IFNL1: variants seen among roughly 807,000 people sequenced by gnomAD.
IFNL1 encodes the protein interferon lambda-1.
Under a neutral mutation model 17.1 loss-of-function variants are expected in IFNL1, and 16 were observed. The ratio of observed to expected loss-of-function variants is 0.93; its 90% CI spans 0.63 to 1.42. IFNL1 has a LOEUF of 1.42. Ranked by LOEUF, IFNL1 falls within the 40% of genes most tolerant of loss-of-function variation. The pLI is 0.00. For missense variants in IFNL1, 262 were observed against 249.4 expected (o/e 1.05, Z -0.34); for synonymous variants, 104 against 111.4 (o/e 0.93, Z 0.42).
At chr19:39,297,311 T>TC (rs2075102455) in intron 2 of IFNL1, among the ~76,000 whole-genome samples, 1 of 54,446 alleles carries the variant, frequency 1.8e-5, no homozygotes, top group South Asian at 8.2e-4. Flanking sequence ...CACCCTTCTC[T>TC]TTTTTTTTTT....
At position 39,298,519 on chromosome 19, in the gene IFNL1, C is replaced by T. The variant is rs774908952; in HGVS notation, c.*3C>T. 1 of 1,614,152 alleles carries T rather than the reference C, an allele frequency of 6.2e-7. No homozygotes were observed. Among genetic ancestry groups the T allele is most frequent in the Non-Finnish European group, 8.5e-7 (1 of 1,179,988 alleles). ...CAACCCACCCTGAGTCCACCTGACA[C>T]CCCACACCTTATTTATGCGCTGAGC... On this transcript the variant is annotated 3_prime_UTR_variant, in exon 5 of 5. Coordinates refer to ENST00000333625, the MANE Select transcript of IFNL1 (RefSeq NM_172140.2).
chr19:39,297,553 CAG>C (rs1403327228), intron 2 of IFNL1, among the ~76,000 whole-genome samples: 2 of 152,040 alleles, frequency 1.3e-5, no homozygotes, highest in African/African-American at 4.8e-5. Context: ...ATCCTGACCT[CAG>C]GTGATCCACC....
chr19:39,298,355 T>C, intron 4 of IFNL1, 36 bp from the exon 5 acceptor site: 1 of 1,614,082 alleles, frequency 6.2e-7, no homozygotes, highest in East Asian at 2.2e-5. Flanking sequence ...GCCCAGACCC[T>C]GGACAGCCCC....
In IFNL1 at chr19:39,298,325, G is replaced by A. The variant is rs568899544; in HGVS notation, c.477+29G>A. The A allele has an allele frequency of 3.7e-6, 6 of 1,614,018 alleles. No individual in the cohort carries two copies. In the East Asian group the frequency reaches 1.1e-4, roughly 30 times the overall value. On this transcript the variant is annotated intron_variant, in intron 4 of 4. Coordinates refer to ENST00000333625, the MANE Select transcript of IFNL1 (RefSeq NM_172140.2). ...AGTGACCCAGGAAGAGAAGGACCAG[G>A]GTCTGGGGAGCCAATAGGAGCCCAG...
rs2075108211 is a variant in IFNL1 at position 39,298,561 on chromosome 19, T to A, written c.*45T>A. ...GCGCTGAGCCCTACTCCTTCCTTAA[T>A]TTATTTCCTCTCACCCTTTATTTAT... On this transcript the variant is annotated 3_prime_UTR_variant, in exon 5 of 5. Transcript: ENST00000333625. 2.5e-6 allele frequency: 4 copies of A among 1,606,722 alleles called. No individual in the cohort carries two copies. The South Asian group carries it at 3.3e-5, about 13-fold the overall frequency.
At chr19:39,297,922 T>C in intron 2 of IFNL1, 42 bp from the exon 3 acceptor site, 1 of 1,612,498 alleles carries the variant, frequency 6.2e-7, no homozygotes, top group Non-Finnish European at 8.5e-7. Context: ...CTGGGTCTTC[T>C]TGCCTGTTCT....
chr19:39,298,541 G>A lies in IFNL1; in HGVS notation c.*25G>A. 6.2e-7 allele frequency: 1 copy of A among 1,613,450 alleles called. No individual in the cohort carries two copies. The highest frequency in any genetic ancestry group is 8.5e-7 in the Non-Finnish European group (1 of 1,179,590). On this transcript the variant is annotated 3_prime_UTR_variant, in exon 5 of 5. Transcript: ENST00000333625. ...ACACCCCACACCTTATTTATGCGCT[G>A]AGCCCTACTCCTTCCTTAATTTATT... is the stretch of plus-strand genomic sequence containing the variant.
intron 2 of IFNL1, among the ~76,000 whole-genome samples, chr19:39,297,404 T>C (rs911707199): frequency 1.4e-5 from 2 of 147,004 alleles, no homozygotes; most frequent in African/African-American, 5.0e-5. Context: ...CTGCAACCTC[T>C]GCCTCCCGGG....
At chr19:39,297,110 T>C (rs911903339) in intron 2 of IFNL1, among the ~76,000 whole-genome samples, 7 of 151,974 alleles carry the variant, frequency 4.6e-5, no homozygotes, top group African/African-American at 1.7e-4. Context: ...CACCTGTCCC[T>C]GTCACTTCCA....
At position 39,296,598 on chromosome 19, in the gene IFNL1, T is replaced by C. The variant is rs756516531; in HGVS notation, c.171+6T>C. 53 of 1,607,768 alleles carry C rather than the reference T, an allele frequency of 3.3e-5. No individual in the cohort carries two copies. Among genetic ancestry groups the C allele is most frequent in the Non-Finnish European group, 1.3e-5 (15 of 1,177,408 alleles). On this transcript the variant is annotated splice_donor_region_variant and intron_variant, in intron 1 of 4. Transcript: ENST00000333625. The stretch of plus-strand genomic sequence containing the variant: ...AGAAGGCCAGGGACGCCTTGGTGAG[T>C]TCCTGTTGCTGTGGATGAACCACTT...
chr19:39,296,899 G>T lies in IFNL1; in HGVS notation c.249+17G>T, dbSNP rs2075101076. On this transcript the variant is annotated intron_variant, in intron 2 of 4. Transcript: ENST00000333625. ...CTTCTCCAGGTGAGCTGAAAGTCAG[G>T]CCCCCTTCACCCTTCCCTTGACCCT... The T allele has an allele frequency of 2.5e-6, 4 of 1,604,120 alleles. No homozygotes were observed. The highest frequency in any genetic ancestry group is 3.4e-6 in the Non-Finnish European group (4 of 1,171,150).
rs2075107446 is a variant in IFNL1 at position 39,298,405 on chromosome 19, C to T, written c.492C>T (p.Cys164=). ...QEAPKKESAG[C]LEASVTFNLF... ...CTCCCCTACAGGAGTCCGCTGGCTG[C>T]CTGGAGGCATCTGTCACCTTCAACC... The change falls in exon 5 of 5, where the codon TGC becomes TGT. Residue 164 remains cysteine, a synonymous_variant. Transcript: ENST00000333625. 1 of 1,614,128 alleles carries T rather than the reference C, an allele frequency of 6.2e-7. No homozygotes were observed. Among genetic ancestry groups the T allele is most frequent in the African/African-American group, 1.3e-5 (1 of 74,934 alleles).
intron 2 of IFNL1, among the ~76,000 whole-genome samples, chr19:39,297,539 C>T (rs1490710003): frequency 1.3e-5 from 2 of 151,936 alleles, no homozygotes; most frequent in South Asian, 2.1e-4. Context: ...GGCTTGGTCT[C>T]GAAATCCTGA....
chr19:39,298,365 C>T, intron 4 of IFNL1, 26 bp from the exon 5 acceptor site: 1 of 1,614,206 alleles, frequency 6.2e-7, no homozygotes, highest in Non-Finnish European at 8.5e-7. Context: ...TGGACAGCCC[C>T]TGACCCATCC....
At chr19:39,296,928 C>T (rs2075101201) in intron 2 of IFNL1, 46 bp downstream of exon 2, 1 of 1,449,680 alleles carries the variant, frequency 6.9e-7, no homozygotes, top group African/African-American at 1.4e-5. Flanking sequence ...TGACCCTCTC[C>T]CCCCTCTTCT....
rs745697532 is a variant in IFNL1 at position 39,296,900 on chromosome 19, C to G, written c.249+18C>G. The G allele has an allele frequency of 6.3e-7, 1 of 1,581,934 alleles. No individual in the cohort carries two copies. The highest frequency in any genetic ancestry group is 8.7e-7 in the Non-Finnish European group (1 of 1,151,246). Reference sequence around the variant, plus strand: ...TTCTCCAGGTGAGCTGAAAGTCAGGCCCCCTTCACCCTTCCCTTGACCCTC... The same window carrying G: ...TTCTCCAGGTGAGCTGAAAGTCAGGGCCCCTTCACCCTTCCCTTGACCCTC... On this transcript the variant is annotated intron_variant, in intron 2 of 4. Coordinates refer to ENST00000333625, the MANE Select transcript of IFNL1 (RefSeq NM_172140.2).
chr19:39,298,326 G>T lies in IFNL1; in HGVS notation c.477+30G>T, dbSNP rs377044928. ...GTGACCCAGGAAGAGAAGGACCAGG[G>T]TCTGGGGAGCCAATAGGAGCCCAGA... On this transcript the variant is annotated intron_variant, in intron 4 of 4. Transcript: ENST00000333625. The T allele has an allele frequency of 2.5e-6, 4 of 1,614,064 alleles. No individual in the cohort carries two copies. The African/African-American group carries it at 5.3e-5, about 22-fold the overall frequency.
rs372660306 is a variant in IFNL1 at position 39,298,207 on chromosome 19, C to T, written c.394-6C>T. The T allele has an allele frequency of 6.2e-6, 10 of 1,613,882 alleles. No homozygotes were observed. Among genetic ancestry groups the T allele is most frequent in the African/African-American group, 4.0e-5 (3 of 74,932 alleles). ...CGCCTCACACACCGCCCTCTTCTGC[C>T]CACAGATCCAGCCTCAGCCCACAGC... On this transcript the variant is annotated splice_region_variant and splice_polypyrimidine_tract_variant and intron_variant, in intron 3 of 4. Transcript: ENST00000333625.
chr19:39,297,106 T>A (rs2075101694), intron 2 of IFNL1, among the ~76,000 whole-genome samples: 1 of 151,988 alleles, frequency 6.6e-6, no homozygotes, highest in African/African-American at 2.4e-5. Flanking sequence ...CGCTCACCTG[T>A]CCCTGTCACT....
Sources: allele counts gnomAD v4.1 joint callset (sites outside exome capture counted in the v4.1 genomes callset), GRCh38; gene constraint gnomAD v4.1.1; transcripts MANE v1.5; gene names NCBI Gene and HGNC (gene_info 2026-07-23, HGNC 2026-07-21).